Variants in ZNF592 observed in about 807,000 individuals in gnomAD.
The protein encoded by ZNF592 is spinocerebellar ataxia, autosomal recessive 5.
In ZNF592, 11 loss-of-function variants were observed where a neutral mutation model predicts 80.3. The observed-to-expected ratio is 0.14, with a 90% confidence interval of 0.09 to 0.23. The LOEUF (loss-of-function observed/expected upper bound fraction) is 0.23, where lower values mean the gene tolerates loss of function less well. Ranked by LOEUF, ZNF592 falls within the 10% of genes least tolerant of loss-of-function variation. The pLI, the probability that ZNF592 is intolerant of heterozygous loss-of-function variation, is 1.00. For missense variants in ZNF592, 1,420 were observed against 1,633.9 expected, an observed-to-expected ratio of 0.87 and a Z score of 2.26; for synonymous variants, 646 against 640.3, an observed-to-expected ratio of 1.01 and a Z score of -0.13.
In ZNF592 at chr15:84,802,161, C is replaced by T. The variant is rs759361603; in HGVS notation, c.3572C>T (p.Ala1191Val). 1.0e-5 allele frequency: 16 copies of T among 1,603,402 alleles called. No individual in the cohort carries two copies. In the African/African-American group the frequency reaches 2.0e-4, roughly 20 times the overall value. The change falls in exon 11 of 11, where the codon GCA (alanine) becomes GTA (valine). Residue 1191 changes from alanine to valine, a missense_variant. By Grantham distance (64) the Ala-to-Val change is moderately conservative (BLOSUM62 0). Coordinates refer to ENST00000560079, the MANE Select transcript of ZNF592 (RefSeq NM_014630.3). ...GAGGAGGAGGAAGAGGAGGCGGCGGCAGCGGAGATGGCAGTGGAGGTGGCA... is the reference window on the plus strand; with the variant it reads ...GAGGAGGAGGAAGAGGAGGCGGCGGTAGCGGAGATGGCAGTGGAGGTGGCA... ...QEEEEEEEAA[A>V]AEMAVEVAEP...
intron 1 of ZNF592, among the ~76,000 whole-genome samples, chr15:84,750,993 C>T (rs987545348): frequency 3.9e-5 from 6 of 152,118 alleles, no homozygotes; most frequent in Non-Finnish European, 8.8e-5. Flanking sequence ...GGTGTCTAGC[C>T]CCTGTGCAGG....
intron 3 of ZNF592, among the ~76,000 whole-genome samples, chr15:84,781,276 G>T (rs1465121322): frequency 2.6e-5 from 4 of 152,200 alleles, no homozygotes; most frequent in East Asian, 3.9e-4. Context: ...TTGAACTCCT[G>T]ACCTCAAGCT....
At position 84,762,422 on chromosome 15, in the gene ZNF592, T is replaced by C. The variant is rs8025076; in HGVS notation, c.-258-2285T>C. 3.9e-5 allele frequency among the ~76,000 whole-genome samples: 6 copies of C among 152,184 alleles called. No homozygotes were observed. In the South Asian group the frequency reaches 1.2e-3, roughly 32 times the overall value. On this transcript the variant is annotated intron_variant, in intron 1 of 10. Transcript: ENST00000560079. ...AGTGAGAGAGGGAGCCACGCAGATATCTGAGAAAAGAGCAATCAGATTGGA... is the reference window on the plus strand; with the variant it reads ...AGTGAGAGAGGGAGCCACGCAGATACCTGAGAAAAGAGCAATCAGATTGGA...
intron 5 of ZNF592, among the ~76,000 whole-genome samples, chr15:84,795,625 T>G (rs1239703777): frequency 1.3e-5 from 2 of 152,230 alleles, no homozygotes; most frequent in Non-Finnish European, 2.9e-5. Context: ...TTTGGATGAA[T>G]GTGGAATTAT....
intron 2 of ZNF592, among the ~76,000 whole-genome samples, chr15:84,772,031 T>C (rs1016511611): frequency 1.3e-5 from 2 of 152,224 alleles, no homozygotes; most frequent in African/African-American, 4.8e-5. Flanking sequence ...AACCAATGCC[T>C]ACCTAAGGTC....
chr15:84,771,495 C>G (rs149959674), intron 2 of ZNF592, among the ~76,000 whole-genome samples: 3 of 152,154 alleles, frequency 2.0e-5, no homozygotes, highest in Admixed American at 2.0e-4. Flanking sequence ...GAAAGGTATC[C>G]TGGCAAGTGG....
At chr15:84,760,770 A>G (rs1899327261) in intron 1 of ZNF592, among the ~76,000 whole-genome samples, 1 of 152,174 alleles carries the variant, frequency 6.6e-6, no homozygotes, top group African/African-American at 2.4e-5. Flanking sequence ...GTTCAGAGAC[A>G]TGGTCCAGTC....
chr15:84,770,693 TA>T lies in ZNF592; in HGVS notation c.-150+5888del, dbSNP rs139229313. ...TGCAGTGGAATCACCTGGGAAGCTT[TA>T]AAAAAAAAACAACCAAAAAGCAGGA... On this transcript the variant is annotated intron_variant, in intron 2 of 10. Coordinates refer to ENST00000560079, the MANE Select transcript of ZNF592 (RefSeq NM_014630.3). 5.4e-5 allele frequency among the ~76,000 whole-genome samples: 8 copies of T among 147,992 alleles called. No individual in the cohort carries two copies. The South Asian group carries it at 1.3e-3, about 24-fold the overall frequency.
chr15:84,784,584 C>G lies in ZNF592; in HGVS notation c.1909C>G (p.Arg637Gly). 6.2e-7 allele frequency: 1 copy of G among 1,614,200 alleles called. No individual in the cohort carries two copies. The highest frequency in any genetic ancestry group is 8.5e-7 in the Non-Finnish European group (1 of 1,180,034). Residue 637 changes from arginine (R) to glycine (G), a missense_variant, in exon 4 of 11, where the codon CGT becomes GGT. By Grantham distance (125) the Arg-to-Gly change is moderately radical. Transcript: ENST00000560079. This position sits in a 1 kb window ranked among gnomAD's most constrained non-coding sequence, Gnocchi z 5.8. ...CAAGTGCAGCCTGCTCCGGCACGCC[C>G]GTGACCACAAGAGCAAGGGGCTCGT... is the stretch of plus-strand genomic sequence containing the variant. ...FNKCSLLRHA[R>G]DHKSKGLVMQ...
intron 2 of ZNF592, among the ~76,000 whole-genome samples, chr15:84,768,790 C>T (rs1226486327): frequency 2.6e-5 from 4 of 152,184 alleles, no homozygotes; most frequent in Non-Finnish European, 4.4e-5. Context: ...GTCCCATAAC[C>T]ACTGAAGGTC....
In ZNF592 at chr15:84,806,138, A is replaced by G. The variant is rs1259094638; in HGVS notation, c.*3745A>G. On this transcript the variant is annotated 3_prime_UTR_variant, in exon 11 of 11. Transcript: ENST00000560079. ...TGCATGAATGAATGAATCTGATTCAATTGGTAGCTACAGCTGTTCTCTCAG... is the reference window on the plus strand; with the variant it reads ...TGCATGAATGAATGAATCTGATTCAGTTGGTAGCTACAGCTGTTCTCTCAG... 3 of 152,512 alleles carry G rather than the reference A, an allele frequency of 2.0e-5. No individual in the cohort carries two copies. Among genetic ancestry groups the G allele is most frequent in the Non-Finnish European group, 4.4e-5 (3 of 68,038 alleles). 9.4% of individuals were successfully genotyped at this position (152,512 alleles called of 1,614,324 possible). A position where few individuals can be genotyped will look rare whatever the true frequency, so the allele number is the denominator to read the frequency against.
At chr15:84,768,990 G>T (rs1226176236) in intron 2 of ZNF592, among the ~76,000 whole-genome samples, 1 of 151,980 alleles carries the variant, frequency 6.6e-6, no homozygotes, top group African/African-American at 2.4e-5. Flanking sequence ...GCCCAGACTG[G>T]AGTGCAATAG....
In ZNF592 at chr15:84,783,031, G is replaced by C. The variant is rs1215589328; in HGVS notation, c.356G>C (p.Ser119Thr). ...KFDSTFMNGD[S>T]ARSFPGKLEP... The stretch of plus-strand genomic sequence containing the variant: ...GATTCTACTTTTATGAATGGAGACA[G>C]TGCCAGGAGTTTCCCTGGCAAACTG... Residue 119 changes from serine (S) to threonine (T), a missense_variant, in exon 4 of 11, where the codon AGT becomes ACT. Physicochemically the swap from Ser to Thr is moderately conservative, Grantham distance 58 (BLOSUM62 1). This residue lies in a region of ZNF592 where 373 missense variants were observed against 355.5 expected (regional missense o/e 1.05). Coordinates refer to ENST00000560079, the MANE Select transcript of ZNF592 (RefSeq NM_014630.3). The surrounding 1 kb of genome is among the most constrained non-coding windows in gnomAD (Gnocchi z 5.0). The C allele has an allele frequency of 6.2e-7, 1 of 1,614,046 alleles. No individual in the cohort carries two copies. Among genetic ancestry groups the C allele is most frequent in the Non-Finnish European group, 8.5e-7 (1 of 1,180,046 alleles).
At chr15:84,757,008 G>A (rs1899192649) in intron 1 of ZNF592, among the ~76,000 whole-genome samples, 1 of 152,118 alleles carries the variant, frequency 6.6e-6, no homozygotes, top group Non-Finnish European at 1.5e-5. Flanking sequence ...AACTACTTGG[G>A]AGGCTGAGGT....
intron 4 of ZNF592, among the ~76,000 whole-genome samples, chr15:84,786,336 C>G (rs1426529677): frequency 6.6e-6 from 1 of 152,150 alleles, no homozygotes. Context: ...ACGATGACTC[C>G]ATGCGTAAGG....
At chr15:84,778,830 G>T (rs756957054) in intron 3 of ZNF592, among the ~76,000 whole-genome samples, 1 of 152,192 alleles carries the variant, frequency 6.6e-6, no homozygotes, top group Non-Finnish European at 1.5e-5. Context: ...GAAGAATGGC[G>T]TGTGCATGTG....
rs1962979294 is a variant in ZNF592, at chr15:84,798,270, G to A, written c.2577-45G>A. 1.2e-6 allele frequency: 2 copies of A among 1,613,096 alleles called. No individual in the cohort carries two copies. Among genetic ancestry groups the A allele is most frequent in the Non-Finnish European group, 1.7e-6 (2 of 1,179,752 alleles). The stretch of plus-strand genomic sequence containing the variant: ...GAGAGCAGAGATGGGTGGAGGGGCT[G>A]CATGGTGCCTTGGCCACCTCACCCC... On this transcript the variant is annotated intron_variant, in intron 6 of 10. Coordinates refer to ENST00000560079, the MANE Select transcript of ZNF592 (RefSeq NM_014630.3). The surrounding 1 kb of genome is among the most constrained non-coding windows in gnomAD (Gnocchi z 4.5).
intron 3 of ZNF592, among the ~76,000 whole-genome samples, chr15:84,781,741 T>A (rs2141984009): frequency 6.6e-6 from 1 of 152,310 alleles, no homozygotes; most frequent in South Asian, 2.1e-4. Flanking sequence ...TCCAGCAGGT[T>A]TGAGCCAGCC....
intron 3 of ZNF592, among the ~76,000 whole-genome samples, chr15:84,781,666 A>G (rs558378554): frequency 6.6e-6 from 1 of 152,222 alleles, no homozygotes; most frequent in Non-Finnish European, 1.5e-5. Flanking sequence ...TTAAGCCAGT[A>G]AAGGCCCTGG....
Sources: gnomAD v4.1 joint callset for allele counts (sites outside exome capture counted in the v4.1 genomes callset) on GRCh38, gnomAD v4.1.1 for gene constraint, gnomAD v4.1.1 regional missense constraint, Gnocchi (gnomAD v3.1) non-coding constraint, MANE v1.5 for transcripts, NCBI Gene and HGNC (gene_info 2026-07-23, HGNC 2026-07-21) for gene names.